Variants in GPHN observed in about 807,000 individuals in gnomAD.
GPHN encodes the protein gephyrin.
A neutral mutation model predicts 95.5 loss-of-function variants in GPHN; 17 were observed. That is an observed-to-expected ratio of 0.18 (90% confidence interval 0.12 to 0.27). The LOEUF is 0.27. Ranked by LOEUF, GPHN falls within the 10% of genes least tolerant of loss-of-function variation. The probability of loss-of-function intolerance (pLI) is 1.00; values close to 1 mark genes in which losing one functional copy is unlikely to be tolerated. For synonymous variants in GPHN, 320 were observed against 322.5 expected (o/e 0.99, Z 0.08); for missense variants, 660 against 978.1 (o/e 0.67, Z 4.34).
At chr14:66,519,254 G>A (rs17103572) in intron 1 of GPHN, among the ~76,000 whole-genome samples, 2,750 of 151,924 alleles carry the variant, frequency 0.018, 94 homozygotes, top group African/African-American at 0.061. Flanking sequence ...GGTAAAATGC[G>A]AAATTAAGCC....
the GPHN span, among the ~76,000 whole-genome samples, chr14:67,248,087 TTTTTC>T: frequency 1.3e-5 from 2 of 152,200 alleles, no homozygotes; most frequent in Non-Finnish European, 2.9e-5. Context: ...TGTGTGAACT[TTTTTC>T]TTTAATCTGT....
chr14:66,563,435 A>C (rs1196107293), intron 1 of GPHN, among the ~76,000 whole-genome samples: 1 of 152,148 alleles, frequency 6.6e-6, no homozygotes. Context: ...ATTTCATCTT[A>C]ATGACTTCAC....
At chr14:67,573,275 G>A in the GPHN span, 1 of 1,598,402 alleles carries the variant, frequency 6.3e-7, no homozygotes, top group South Asian at 1.1e-5. This position sits in a 1 kb window ranked among gnomAD's most constrained non-coding sequence, Gnocchi z 4.8. Flanking sequence ...CCACCCCTCA[G>A]GAGTCACTGG....
At chr14:67,253,961 T>G in the GPHN span, among the ~76,000 whole-genome samples, 295 of 151,574 alleles carry the variant, frequency 1.9e-3, 1 homozygote, top group African/African-American at 6.7e-3. Context: ...ATATTTTGTT[T>G]TGTTTTTTTT....
intron 2 of GPHN, among the ~76,000 whole-genome samples, chr14:66,752,697 CGT>C (rs1566905986): frequency 6.6e-6 from 1 of 151,934 alleles, no homozygotes; most frequent in Non-Finnish European, 1.5e-5. Context: ...ATTACTAAAA[CGT>C]GACACAGACG....
At chr14:67,659,674 T>G in the GPHN span, 2 of 1,513,222 alleles carry the variant, frequency 1.3e-6, no homozygotes, top group African/African-American at 2.8e-5. Flanking sequence ...TATAGTTAAT[T>G]TTTGTACCAC....
intron 20 of GPHN, 40 bp from the exon 21 acceptor site, chr14:67,168,893 T>C (rs1365031759): frequency 1.6e-6 from 2 of 1,259,094 alleles, no homozygotes; most frequent in African/African-American, 1.5e-5. Context: ...GGCAAATTGT[T>C]ACACAGTGTA....
intron 3 of GPHN, among the ~76,000 whole-genome samples, chr14:66,815,922 A>G (rs115738797): frequency 7.6e-4 from 115 of 152,270 alleles, no homozygotes; most frequent in African/African-American, 2.6e-3. Context: ...CATCTCACAT[A>G]TACAATGGCA....
the GPHN span, among the ~76,000 whole-genome samples, chr14:67,695,094 C>T: frequency 6.6e-5 from 10 of 152,184 alleles, no homozygotes; most frequent in African/African-American, 2.2e-4. Context: ...GAGCTCATAA[C>T]CAAACACTCT....
chr14:67,732,890 T>G, the GPHN span, among the ~76,000 whole-genome samples: 1 of 152,108 alleles, frequency 6.6e-6, no homozygotes, highest in Admixed American at 6.5e-5. Context: ...CGTGATAGGC[T>G]TTTCTTCTTT....
At chr14:67,648,227 A>G in the GPHN span, 1 of 1,583,764 alleles carries the variant, frequency 6.3e-7, no homozygotes, top group Non-Finnish European at 8.6e-7. Context: ...ACATAGGTAA[A>G]TATGCTAGAG....
chr14:67,597,070 C>A, the GPHN span, among the ~76,000 whole-genome samples: 2 of 152,134 alleles, frequency 1.3e-5, no homozygotes, highest in Non-Finnish European at 2.9e-5. Context: ...TTTTGTCTGG[C>A]CCATCTCAAG....
intron 1 of GPHN, among the ~76,000 whole-genome samples, chr14:66,614,199 A>T (rs1246423419): frequency 6.6e-6 from 1 of 152,104 alleles, no homozygotes; most frequent in African/African-American, 2.4e-5. Context: ...ACTTTTTATA[A>T]CTATATTAAT....
the GPHN span, chr14:67,572,378 G>A: frequency 1.0e-6 from 1 of 996,018 alleles, no homozygotes; most frequent in South Asian, 1.7e-5. Flanking sequence ...TGAAGTGAGG[G>A]GTCCCTAGAG....
chr14:66,935,712 G>A (rs1413619390), intron 8 of GPHN, among the ~76,000 whole-genome samples: 3 of 151,516 alleles, frequency 2.0e-5, no homozygotes, highest in Admixed American at 2.0e-4. Flanking sequence ...GTATACATGT[G>A]TTTATGTGCA....
chr14:66,963,288 T>A (rs1037492983), intron 8 of GPHN, among the ~76,000 whole-genome samples: 3 of 152,014 alleles, frequency 2.0e-5, no homozygotes, highest in Non-Finnish European at 4.4e-5. Context: ...TTAATTTACA[T>A]TGAGGCATAT....
intron 21 of GPHN, among the ~76,000 whole-genome samples, chr14:67,169,929 T>A (rs1036417803): frequency 3.3e-5 from 5 of 151,960 alleles, no homozygotes; most frequent in African/African-American, 1.2e-4. Flanking sequence ...ATAGAAAAAA[T>A]TAGCTGGGCG....
chr14:67,188,527 T>C, the GPHN span, among the ~76,000 whole-genome samples: 1 of 152,340 alleles, frequency 6.6e-6, no homozygotes, highest in Admixed American at 6.5e-5. Context: ...CAAGTTGTGA[T>C]CATGCAATAA....
chr14:67,396,917 G>A, the GPHN span, among the ~76,000 whole-genome samples: 1 of 151,396 alleles, frequency 6.6e-6, no homozygotes, highest in South Asian at 2.1e-4. Flanking sequence ...CACATGATGG[G>A]CCCTTGATAA....
Sources: allele counts gnomAD v4.1 joint callset (sites outside exome capture counted in the v4.1 genomes callset), GRCh38; gene constraint gnomAD v4.1.1; non-coding constraint Gnocchi (gnomAD v3.1); transcripts MANE v1.5; gene names NCBI Gene and HGNC (gene_info 2026-07-23, HGNC 2026-07-21).